Variants in MYBPC1 observed in about 807,000 individuals in gnomAD.
MYBPC1 encodes the protein myosin binding protein C1.
Under a neutral mutation model 147.1 loss-of-function variants are expected in MYBPC1, and 52 were observed. That is an observed-to-expected ratio of 0.35 (90% CI 0.28 to 0.45). The LOEUF is 0.45. Ranked by LOEUF, MYBPC1 falls within the 20% of genes least tolerant of loss-of-function variation. MYBPC1 has a pLI of 1.00. For missense variants in MYBPC1, 1,228 were observed against 1,440.3 expected, an observed-to-expected ratio of 0.85 and a Z score of 2.39; for synonymous variants, 477 against 475.9, an observed-to-expected ratio of 1.00 and a Z score of -0.03.
downstream of MYBPC1, among the ~76,000 whole-genome samples, chr12:101,690,814 A>G (rs895185803): frequency 1.3e-5 from 2 of 152,208 alleles, no homozygotes; most frequent in Non-Finnish European, 2.9e-5. Context: ...TAGTCAATCT[A>G]TTACTGAACA....
At chr12:101,596,096 T>C (rs1355290125) in intron 1 of MYBPC1, among the ~76,000 whole-genome samples, 1 of 152,210 alleles carries the variant, frequency 6.6e-6, no homozygotes, top group Non-Finnish European at 1.5e-5. Flanking sequence ...AGTCATAGTT[T>C]TCAGTTTTTA....
chr12:101,637,740 G>A (rs1891283657), intron 10 of MYBPC1, among the ~76,000 whole-genome samples: 1 of 152,094 alleles, frequency 6.6e-6, no homozygotes, highest in Admixed American at 6.6e-5. Context: ...CTGGGATTGT[G>A]TTTATTCTCT....
intron 16 of MYBPC1, among the ~76,000 whole-genome samples, chr12:101,652,427 A>G (rs1894666835): frequency 1.3e-5 from 2 of 152,224 alleles, no homozygotes; most frequent in Admixed American, 6.5e-5. Flanking sequence ...TAGACTCTGC[A>G]TATACAATAA....
chr12:101,611,568 T>G (rs1335063761), intron 1 of MYBPC1, among the ~76,000 whole-genome samples: 1 of 152,236 alleles, frequency 6.6e-6, no homozygotes, highest in South Asian at 2.1e-4. Flanking sequence ...TTAATTCTTT[T>G]GTATCAATTC....
the MYBPC1 span, among the ~76,000 whole-genome samples, chr12:101,694,722 A>G: frequency 6.7e-6 from 1 of 149,352 alleles, no homozygotes; most frequent in East Asian, 2.0e-4. Flanking sequence ...AGTCTACGGT[A>G]TTTTATTATG....
At chr12:101,626,949 T>G in intron 4 of MYBPC1, 39 bp downstream of exon 4, 1 of 1,564,912 alleles carries the variant, frequency 6.4e-7, no homozygotes, top group Non-Finnish European at 8.8e-7. Flanking sequence ...CTTTTAAATA[T>G]ATTATTCATT....
chr12:101,613,911 T>C (rs550331207), intron 1 of MYBPC1, among the ~76,000 whole-genome samples: 4 of 152,344 alleles, frequency 2.6e-5, no homozygotes, highest in Non-Finnish European at 5.9e-5. Flanking sequence ...AGGACTTTCA[T>C]GTCATCTGCT....
intron 8 of MYBPC1, among the ~76,000 whole-genome samples, chr12:101,633,619 G>A (rs546714606): frequency 2.0e-4 from 31 of 151,692 alleles, no homozygotes; most frequent in Non-Finnish European, 2.4e-4. Flanking sequence ...CCGGGGAGGC[G>A]GAGGTTGCAG....
chr12:101,679,144 G>A lies in MYBPC1; in HGVS notation c.3246+906G>A, dbSNP rs148138428. The stretch of plus-strand genomic sequence containing the variant: ...AGTCTGGGTAACAGAAGAAGACTCC[G>A]TCTCAAAAAAAAAAAAAAAAGGAAA... On this transcript the variant is annotated intron_variant, in intron 28 of 31. Coordinates refer to ENST00000361466, the MANE Select transcript of MYBPC1 (RefSeq NM_002465.4). 8.5e-3 allele frequency among the ~76,000 whole-genome samples: 1,092 copies of A among 129,220 alleles called. 18 individuals are homozygous for A. The highest frequency in any genetic ancestry group is 0.031 in the African/African-American group (1,050 of 33,374). 84.8% of individuals were successfully genotyped at this position (129,220 alleles called of 152,430 possible).
At chr12:101,623,148 G>C (rs915180012) in intron 3 of MYBPC1, among the ~76,000 whole-genome samples, 5 of 152,156 alleles carry the variant, frequency 3.3e-5, no homozygotes, top group African/African-American at 1.2e-4. Context: ...AGACCAGCCT[G>C]GCCAATATGG....
chr12:101,676,247 A>T (rs1566008374), intron 26 of MYBPC1, among the ~76,000 whole-genome samples: 1 of 152,218 alleles, frequency 6.6e-6, no homozygotes, highest in African/African-American at 2.4e-5. Flanking sequence ...AACTTATTTT[A>T]TAGATGAGGA....
At chr12:101,693,539 G>A in the MYBPC1 span, among the ~76,000 whole-genome samples, 3 of 152,034 alleles carry the variant, frequency 2.0e-5, no homozygotes, top group Non-Finnish European at 4.4e-5. Flanking sequence ...TCAGGCATTT[G>A]AGACCAGCCT....
chr12:101,675,161 C>T, intron 25 of MYBPC1, 131 bp from the exon 26 acceptor site: 3 of 1,268,864 alleles, frequency 2.4e-6, no homozygotes, highest in Non-Finnish European at 3.3e-6. Context: ...CTCAGAAGCC[C>T]CCATGGTAGG....
rs982284451 is a variant in MYBPC1, at chr12:101,678,346, G to A, written c.3246+108G>A. ...CCAGCTGCTACTTGTGTCTTCCCAG[G>A]ATGGGGGATTAGAAGGTGGTAGTGG... On this transcript the variant is annotated intron_variant, in intron 28 of 31. Transcript: ENST00000361466. The A allele has an allele frequency of 6.5e-5, 97 of 1,489,982 alleles. No homozygotes were observed. In the East Asian group the frequency reaches 7.7e-4, roughly 12 times the overall value. The allele number at this position is 1,489,982 out of a possible 1,614,324, so 92.3% of individuals were successfully genotyped here. A position where few individuals can be genotyped will look rare whatever the true frequency, so the allele number is the denominator to read the frequency against.
chr12:101,622,265 C>G (rs1176438492), intron 3 of MYBPC1, among the ~76,000 whole-genome samples: 1 of 152,044 alleles, frequency 6.6e-6, no homozygotes, highest in Non-Finnish European at 1.5e-5. Flanking sequence ...TTCAAATTAC[C>G]TCCTAGCAAT....
intron 1 of MYBPC1, among the ~76,000 whole-genome samples, chr12:101,595,368 G>T (rs1474511852): frequency 6.6e-6 from 1 of 152,128 alleles, no homozygotes; most frequent in Non-Finnish European, 1.5e-5. Flanking sequence ...AATCCTTAAA[G>T]TGTAATTTAA....
At chr12:101,653,319 G>C in intron 18 of MYBPC1, 71 bp downstream of exon 18, 1 of 1,570,680 alleles carries the variant, frequency 6.4e-7, no homozygotes, top group Non-Finnish European at 8.7e-7. Context: ...CCCACCCCTT[G>C]CCCTCCATTA....
At chr12:101,646,524 G>A (rs115643590) in intron 12 of MYBPC1, among the ~76,000 whole-genome samples, 1,621 of 152,040 alleles carry the variant, frequency 0.011, 25 homozygotes, top group African/African-American at 0.037. Context: ...CTGTGGTCCC[G>A]GCCACACGGG....
At chr12:101,660,975 T>C (rs1302689166) in intron 19 of MYBPC1, among the ~76,000 whole-genome samples, 183 bp from the exon 20 acceptor site, 1 of 152,172 alleles carries the variant, frequency 6.6e-6, no homozygotes, top group Non-Finnish European at 1.5e-5. Context: ...GAGCTACAGT[T>C]CAAGATGAGA....
Sources: allele counts gnomAD v4.1 joint callset (sites outside exome capture counted in the v4.1 genomes callset), GRCh38; gene constraint gnomAD v4.1.1; transcripts MANE v1.5; gene names NCBI Gene and HGNC (gene_info 2026-07-23, HGNC 2026-07-21).